CAMK2D: variants seen among roughly 807,000 people sequenced by gnomAD.
CAMK2D encodes calcium/calmodulin-dependent protein kinase type II subunit delta.
In CAMK2D, 37 loss-of-function variants were observed where a neutral mutation model predicts 84.0. The observed-to-expected ratio is 0.44, with a 90% confidence interval of 0.34 to 0.58. CAMK2D has a LOEUF of 0.58. Among genes scored for constraint, CAMK2D ranks in the 20% least tolerant of loss-of-function variants. The pLI is 0.02. For synonymous variants in CAMK2D, 202 were observed against 212.5 expected, an observed-to-expected ratio of 0.95 and a Z score of 0.43; for missense variants, 448 against 652.5, an observed-to-expected ratio of 0.69 and a Z score of 3.41.
intron 2 of CAMK2D, among the ~76,000 whole-genome samples, chr4:113,747,968 C>T (rs2099608408): frequency 6.6e-6 from 1 of 152,066 alleles, no homozygotes; most frequent in Admixed American, 6.6e-5. Flanking sequence ...TTGGTACGTT[C>T]CAATATTCTG....
chr4:113,713,343 G>A (rs1236500230), intron 2 of CAMK2D, among the ~76,000 whole-genome samples: 1 of 151,094 alleles, frequency 6.6e-6, no homozygotes, highest in Non-Finnish European at 1.5e-5. Flanking sequence ...TACTCCTGCA[G>A]AAATGGGTAC....
At chr4:113,602,878 A>T (rs1233687980) in intron 4 of CAMK2D, among the ~76,000 whole-genome samples, 1 of 152,188 alleles carries the variant, frequency 6.6e-6, no homozygotes, top group Non-Finnish European at 1.5e-5. Context: ...GAGGGAAAAC[A>T]ATTTTTCAAG....
chr4:113,486,982 C>T (rs1385323551), intron 16 of CAMK2D, among the ~76,000 whole-genome samples: 2 of 152,168 alleles, frequency 1.3e-5, no homozygotes, highest in Non-Finnish European at 2.9e-5. Flanking sequence ...GAAGACTATA[C>T]ATTACAGGTG....
chr4:113,650,041 GTGCCAC>G (rs2154300850), intron 3 of CAMK2D, among the ~76,000 whole-genome samples: 1 of 152,112 alleles, frequency 6.6e-6, no homozygotes, highest in Admixed American at 6.5e-5. Flanking sequence ...AGCCAAGATC[GTGCCAC>G]TGCCCTCCAG....
At chr4:113,665,783 T>C (rs1234525650) in intron 2 of CAMK2D, among the ~76,000 whole-genome samples, 4 of 152,230 alleles carry the variant, frequency 2.6e-5, no homozygotes, top group Non-Finnish European at 5.9e-5. Context: ...TGTAATCTTG[T>C]CAGGTCTGAT....
chr4:113,500,593 TATC>T, intron 15 of CAMK2D, 82 bp from the exon 16 acceptor site: 2 of 836,788 alleles, frequency 2.4e-6, no homozygotes, highest in Non-Finnish European at 3.9e-6. Flanking sequence ...GTGACATACA[TATC>T]ATGCAAAATT....
intron 16 of CAMK2D, among the ~76,000 whole-genome samples, chr4:113,475,757 G>A (rs966295268): frequency 6.6e-6 from 1 of 152,174 alleles, no homozygotes. Context: ...CAGCATCTCC[G>A]ATCATTGTAC....
At chr4:113,692,791 GTATC>G (rs2099391985) in intron 2 of CAMK2D, among the ~76,000 whole-genome samples, 1 of 151,454 alleles carries the variant, frequency 6.6e-6, no homozygotes, top group African/African-American at 2.4e-5. Flanking sequence ...GTGTGTGTGT[GTATC>G]TATCTACCTA....
intron 16 of CAMK2D, among the ~76,000 whole-genome samples, chr4:113,496,498 G>A (rs1179431239): frequency 2.0e-5 from 3 of 148,012 alleles, no homozygotes; most frequent in African/African-American, 7.5e-5. Flanking sequence ...ACCCAGGCTG[G>A]AGTGCAGAGG....
At chr4:113,604,720 C>A (rs1050828879) in intron 4 of CAMK2D, among the ~76,000 whole-genome samples, 3 of 152,200 alleles carry the variant, frequency 2.0e-5, no homozygotes, top group Non-Finnish European at 4.4e-5. Flanking sequence ...AGTTAAAAAT[C>A]TTATTCTGTT....
chr4:113,631,872 A>G (rs988002357), intron 3 of CAMK2D, among the ~76,000 whole-genome samples: 3 of 151,030 alleles, frequency 2.0e-5, no homozygotes, highest in Non-Finnish European at 2.9e-5. Context: ...TATGATGGTG[A>G]AAATAATGTG....
intron 8 of CAMK2D, among the ~76,000 whole-genome samples, chr4:113,521,699 T>TTGA (rs2098361556): frequency 6.6e-6 from 1 of 152,160 alleles, no homozygotes. Flanking sequence ...ACTAGATATT[T>TTGA]TGATGTTACT....
chr4:113,623,206 T>G (rs1205170987), intron 3 of CAMK2D, among the ~76,000 whole-genome samples: 2 of 152,222 alleles, frequency 1.3e-5, no homozygotes. Context: ...TCAGTGACTA[T>G]GCATATTTCT....
At chr4:113,581,526 A>G (rs531814370) in intron 4 of CAMK2D, among the ~76,000 whole-genome samples, 2 of 134,248 alleles carry the variant, frequency 1.5e-5, no homozygotes, top group Admixed American at 1.5e-4. Context: ...AAAAAAAAAA[A>G]AAAAAAAGAA....
At chr4:113,460,488 T>C (rs1003904875) in intron 17 of CAMK2D, among the ~76,000 whole-genome samples, 2 of 152,058 alleles carry the variant, frequency 1.3e-5, no homozygotes, top group East Asian at 1.9e-4. Flanking sequence ...TAATACACAA[T>C]ATTTTAGGAG....
intron 3 of CAMK2D, among the ~76,000 whole-genome samples, chr4:113,610,176 T>C (rs370049467): frequency 1.4e-4 from 22 of 152,244 alleles, no homozygotes; most frequent in African/African-American, 5.3e-4. Flanking sequence ...TAGTACCCAA[T>C]AGTTATTCTT....
intron 16 of CAMK2D, among the ~76,000 whole-genome samples, chr4:113,494,232 C>G (rs1488480935): frequency 1.3e-5 from 2 of 152,182 alleles, no homozygotes; most frequent in Admixed American, 6.5e-5. Flanking sequence ...TTTAGAGTTT[C>G]CAGTTTTTCT....
chr4:113,458,317 C>G (rs552224223), intron 18 of CAMK2D, among the ~76,000 whole-genome samples: 2 of 152,108 alleles, frequency 1.3e-5, no homozygotes, highest in Admixed American at 6.6e-5. Context: ...CCAAGAGATA[C>G]GAGGAGGATT....
At chr4:113,542,376 C>T (rs2098535775) in intron 6 of CAMK2D, among the ~76,000 whole-genome samples, 1 of 151,964 alleles carries the variant, frequency 6.6e-6, no homozygotes, top group Non-Finnish European at 1.5e-5. Flanking sequence ...TATAATTATC[C>T]AAAATATAAA....
Sources: gnomAD v4.1 joint callset for allele counts (sites outside exome capture counted in the v4.1 genomes callset) on GRCh38, gnomAD v4.1.1 for gene constraint, MANE v1.5 for transcripts, NCBI Gene and HGNC (gene_info 2026-07-23, HGNC 2026-07-21) for gene names.